METTL25: variants seen among roughly 807,000 people sequenced by gnomAD.
METTL25 encodes probable methyltransferase-like protein 25.
Under a neutral mutation model 71.6 loss-of-function variants are expected in METTL25, and 64 were observed. The ratio of observed to expected loss-of-function variants is 0.89; its 90% CI spans 0.73 to 1.10. METTL25 has a LOEUF of 1.10. METTL25 is among the 50% of genes least tolerant of loss of function. The pLI, the probability that METTL25 is intolerant of heterozygous loss-of-function variation, is 0.00. For missense variants in METTL25, 807 were observed against 707.0 expected, an observed-to-expected ratio of 1.14 and a Z score of -1.60; for synonymous variants, 287 against 250.3, an observed-to-expected ratio of 1.15 and a Z score of -1.38.
chr12:82,413,410 A>G (rs1263130545), intron 5 of METTL25, among the ~76,000 whole-genome samples: 1 of 152,122 alleles, frequency 6.6e-6, no homozygotes. Context: ...TTTGTTACAG[A>G]TAAGACAACT....
intron 1 of METTL25, among the ~76,000 whole-genome samples, chr12:82,363,820 G>T (rs1882242662): frequency 6.6e-6 from 1 of 151,290 alleles, no homozygotes; most frequent in Admixed American, 6.6e-5. Flanking sequence ...TATGATGAAA[G>T]AATTGAAGGA....
intron 1 of METTL25, among the ~76,000 whole-genome samples, chr12:82,376,934 C>T (rs555536420): frequency 2.0e-5 from 3 of 152,084 alleles, no homozygotes; most frequent in South Asian, 2.1e-4. Context: ...CCCAATGTGG[C>T]GAAACCCTGT....
At chr12:82,410,499 A>T (rs1335185311) in intron 5 of METTL25, among the ~76,000 whole-genome samples, 1 of 152,102 alleles carries the variant, frequency 6.6e-6, no homozygotes, top group East Asian at 1.9e-4. Flanking sequence ...AACAGCATGA[A>T]TTTGACTTCC....
intron 9 of METTL25, among the ~76,000 whole-genome samples, chr12:82,472,647 G>A (rs1288548694): frequency 6.6e-6 from 1 of 152,060 alleles, no homozygotes; most frequent in Admixed American, 6.5e-5. Context: ...GCTCTCAATT[G>A]TATTTTTTAT....
At chr12:82,377,740 G>T (rs756958933) in intron 1 of METTL25, among the ~76,000 whole-genome samples, 4 of 151,992 alleles carry the variant, frequency 2.6e-5, no homozygotes, top group Non-Finnish European at 4.4e-5. Context: ...TGAGATGAAG[G>T]GTAAGGAAAC....
chr12:82,417,545 A>G (rs1333162531), intron 5 of METTL25, among the ~76,000 whole-genome samples: 3 of 152,196 alleles, frequency 2.0e-5, no homozygotes, highest in African/African-American at 7.2e-5. Context: ...TACATGTACA[A>G]ATACCTTTTT....
intron 3 of METTL25, among the ~76,000 whole-genome samples, chr12:82,393,072 A>C (rs1565823247): frequency 6.6e-6 from 1 of 152,100 alleles, no homozygotes; most frequent in South Asian, 2.1e-4. Flanking sequence ...TGATGCCTCC[A>C]GCTTTGTTCT....
intron 9 of METTL25, among the ~76,000 whole-genome samples, chr12:82,466,999 A>C (rs1215052045): frequency 6.6e-6 from 1 of 151,988 alleles, no homozygotes; most frequent in Non-Finnish European, 1.5e-5. Context: ...TGGCTCCCAA[A>C]GTGCTGAGAT....
intron 9 of METTL25, among the ~76,000 whole-genome samples, chr12:82,470,289 TAGG>T (rs1892495241): frequency 6.6e-6 from 1 of 152,198 alleles, no homozygotes; most frequent in African/African-American, 2.4e-5. Context: ...GGAAATAAAA[TAGG>T]AGGTAGTCTC....
At chr12:82,429,373 A>AG (rs1565858572) in intron 5 of METTL25, among the ~76,000 whole-genome samples, 1 of 22,540 alleles carries the variant, frequency 4.4e-5, no homozygotes, top group Non-Finnish European at 9.2e-5. Flanking sequence ...CTGCAAATGT[A>AG]GGGTTTTTTT....
At chr12:82,476,746 T>C in intron 10 of METTL25, 28 bp downstream of exon 10, 2 of 1,428,250 alleles carry the variant, frequency 1.4e-6, no homozygotes, top group Admixed American at 2.1e-5. Flanking sequence ...GCATATTAAA[T>C]TGGATATGTT....
intron 11 of METTL25, among the ~76,000 whole-genome samples, chr12:82,478,358 A>G (rs1298617667): frequency 6.6e-6 from 1 of 151,808 alleles, no homozygotes; most frequent in Non-Finnish European, 1.5e-5. Context: ...TTATAAAGTA[A>G]TGCACATTTA....
At chr12:82,405,381 G>GT (rs148960895) in intron 5 of METTL25, among the ~76,000 whole-genome samples, 2,484 of 152,046 alleles carry the variant, frequency 0.016, 32 homozygotes, top group Middle Eastern at 0.027. Flanking sequence ...TCTCTTGCCT[G>GT]TTTTTTTGTA....
intron 8 of METTL25, among the ~76,000 whole-genome samples, chr12:82,455,082 A>G (rs557463889): frequency 6.6e-6 from 1 of 151,824 alleles, no homozygotes; most frequent in South Asian, 2.1e-4. Flanking sequence ...GCTACTCCAT[A>G]AGACGGTGAA....
intron 8 of METTL25, chr12:82,439,933 ACT>A: frequency 3.8e-6 from 2 of 525,182 alleles, no homozygotes; most frequent in South Asian, 1.7e-4. Flanking sequence ...TCACTTAAAA[ACT>A]CAATACTTTC....
chr12:82,461,040 G>T (rs1891840828), intron 9 of METTL25, among the ~76,000 whole-genome samples: 1 of 152,084 alleles, frequency 6.6e-6, no homozygotes, highest in Non-Finnish European at 1.5e-5. Flanking sequence ...CTACTCAGGA[G>T]GCTGAGGCAG....
chr12:82,416,007 G>T (rs1887953411), intron 5 of METTL25, among the ~76,000 whole-genome samples: 1 of 151,924 alleles, frequency 6.6e-6, no homozygotes, highest in African/African-American at 2.4e-5. Context: ...GTATTTTCTG[G>T]GAAACAAAAC....
chr12:82,361,602 G>T (rs1460334769), intron 1 of METTL25, among the ~76,000 whole-genome samples: 3 of 152,204 alleles, frequency 2.0e-5, no homozygotes, highest in South Asian at 4.1e-4. Flanking sequence ...TTCAAGAGCA[G>T]CGCTGGTGGG....
chr12:82,462,035 G>T (rs1330430334), intron 9 of METTL25, among the ~76,000 whole-genome samples: 1 of 152,196 alleles, frequency 6.6e-6, no homozygotes, highest in East Asian at 1.9e-4. Flanking sequence ...ATTCATGCTA[G>T]TTCCTTTTTC....
Sources: gnomAD v4.1 joint callset for allele counts (sites outside exome capture counted in the v4.1 genomes callset) on GRCh38, gnomAD v4.1.1 for gene constraint, MANE v1.5 for transcripts, NCBI Gene and HGNC (gene_info 2026-07-23, HGNC 2026-07-21) for gene names.